The following CRB1 variants were observed in gnomAD, a reference collection of about 807,000 sequenced individuals.
CRB1 encodes the protein protein crumbs homolog 1.
Under a neutral mutation model 120.0 loss-of-function variants are expected in CRB1, and 83 were observed. That is an observed-to-expected ratio of 0.69 (90% confidence interval 0.58 to 0.83). The LOEUF is 0.83. Ranked by LOEUF, CRB1 falls within the 40% of genes least tolerant of loss-of-function variation. The pLI is 0.00. For missense variants in CRB1, 1,699 were observed against 1,687.6 expected (o/e 1.01, Z -0.12); for synonymous variants, 625 against 612.5 (o/e 1.02, Z -0.30).
At chr1:197,394,151 A>G (rs1261787727) in intron 5 of CRB1, among the ~76,000 whole-genome samples, 1 of 152,030 alleles carries the variant, frequency 6.6e-6, no homozygotes, top group African/African-American at 2.4e-5. Flanking sequence ...AGACAACAAG[A>G]CCAACCCTTC....
intron 1 of CRB1, among the ~76,000 whole-genome samples, chr1:197,302,513 A>C (rs1656927306): frequency 6.6e-6 from 1 of 152,188 alleles, no homozygotes. Context: ...ATAAAAAGTA[A>C]GCAATATAAA....
chr1:197,238,403 C>G, the CRB1 span, among the ~76,000 whole-genome samples: 2 of 152,076 alleles, frequency 1.3e-5, no homozygotes, highest in South Asian at 4.2e-4. Flanking sequence ...ATATTGTAGA[C>G]AATATTGCTT....
intron 1 of CRB1, among the ~76,000 whole-genome samples, chr1:197,311,069 T>C (rs944433532): frequency 1.3e-5 from 2 of 152,252 alleles, no homozygotes; most frequent in Admixed American, 6.5e-5. Context: ...GGTTTTATAC[T>C]GACACAATTT....
the CRB1 span, among the ~76,000 whole-genome samples, chr1:197,225,076 A>G: frequency 3.1e-4 from 47 of 152,192 alleles, no homozygotes; most frequent in South Asian, 2.1e-3. Flanking sequence ...TATCACAACA[A>G]CCTCAACAAA....
intron 2 of CRB1, among the ~76,000 whole-genome samples, chr1:197,337,632 T>C (rs1215589967): frequency 6.6e-6 from 1 of 152,208 alleles, no homozygotes; most frequent in Non-Finnish European, 1.5e-5. Flanking sequence ...CTATGGTATC[T>C]AAACAATGTT....
chr1:197,464,242 T>C (rs1371739490), intron 11 of CRB1, among the ~76,000 whole-genome samples: 1 of 152,146 alleles, frequency 6.6e-6, no homozygotes, highest in African/African-American at 2.4e-5. Flanking sequence ...CTGAAAATAC[T>C]GAGGCTGTGT....
At chr1:197,447,089 T>A (rs558838664) in intron 11 of CRB1, among the ~76,000 whole-genome samples, 4 of 152,360 alleles carry the variant, frequency 2.6e-5, no homozygotes, top group South Asian at 4.1e-4. Flanking sequence ...ACAGTTTCTG[T>A]GTTCAGGAGC....
At chr1:197,223,244 C>A in the CRB1 span, 30 of 1,058,792 alleles carry the variant, frequency 2.8e-5, no homozygotes, top group Non-Finnish European at 3.9e-5. Context: ...CCAGAAGATT[C>A]GAATAGATTG....
chr1:197,368,983 T>C (rs1661225100), intron 5 of CRB1, among the ~76,000 whole-genome samples: 1 of 152,076 alleles, frequency 6.6e-6, no homozygotes, highest in Non-Finnish European at 1.5e-5. Flanking sequence ...GAGTAATGTT[T>C]CCTGAGAATA....
At chr1:197,339,043 T>G (rs1659312900) in intron 2 of CRB1, among the ~76,000 whole-genome samples, 1 of 152,186 alleles carries the variant, frequency 6.6e-6, no homozygotes, top group South Asian at 2.1e-4. Flanking sequence ...AAAATCTGCT[T>G]TAAGTGAATG....
intron 5 of CRB1, among the ~76,000 whole-genome samples, chr1:197,405,489 G>A (rs919061609): frequency 1.4e-4 from 21 of 151,834 alleles, no homozygotes; most frequent in South Asian, 2.1e-4. Flanking sequence ...GCCTCTGCCC[G>A]GCCGCCACCC....
At chr1:197,475,451 A>G (rs1667158061) in intron 11 of CRB1, among the ~76,000 whole-genome samples, 1 of 152,086 alleles carries the variant, frequency 6.6e-6, no homozygotes, top group African/African-American at 2.4e-5. Flanking sequence ...TCCCTGTCAA[A>G]CATTCTTTCC....
At chr1:197,437,899 C>T (rs1231346137) in intron 9 of CRB1, 2 of 154,348 alleles carry the variant, frequency 1.3e-5, no homozygotes. Flanking sequence ...CAGTGAAGTT[C>T]CGCTTAGCTT....
At chr1:197,279,958 A>G (rs1010876517) in intron 1 of CRB1, among the ~76,000 whole-genome samples, 5 of 151,376 alleles carry the variant, frequency 3.3e-5, no homozygotes, top group African/African-American at 1.2e-4. Context: ...TACATAGTTT[A>G]TCTCATTTAA....
At chr1:197,374,647 T>C (rs1661550783) in intron 5 of CRB1, among the ~76,000 whole-genome samples, 1 of 152,180 alleles carries the variant, frequency 6.6e-6, no homozygotes, top group Non-Finnish European at 1.5e-5. Flanking sequence ...AAACAAGGTT[T>C]TACATTCAAT....
chr1:197,441,452 T>G (rs1443944430), intron 10 of CRB1: 1 of 152,160 alleles, frequency 6.6e-6, no homozygotes, highest in African/African-American at 2.4e-5. Flanking sequence ...TGATGTCACT[T>G]GTCTTGGAAA....
At chr1:197,470,069 T>A (rs1223656928) in intron 11 of CRB1, among the ~76,000 whole-genome samples, 1 of 152,166 alleles carries the variant, frequency 6.6e-6, no homozygotes, top group African/African-American at 2.4e-5. Flanking sequence ...AGGAAGAAGC[T>A]CTGTGTTGAT....
chr1:197,462,969 A>C (rs980614974), intron 11 of CRB1, among the ~76,000 whole-genome samples: 1 of 152,044 alleles, frequency 6.6e-6, no homozygotes, highest in Non-Finnish European at 1.5e-5. Context: ...CTAACAAGGA[A>C]GTTGTTGGCT....
At chr1:197,465,820 G>A (rs957632668) in intron 11 of CRB1, among the ~76,000 whole-genome samples, 29 of 152,280 alleles carry the variant, frequency 1.9e-4, no homozygotes, top group African/African-American at 6.5e-4. Context: ...GATTATTTAA[G>A]AGAAGGTGCA....
Sources: gnomAD v4.1 joint callset for allele counts (sites outside exome capture counted in the v4.1 genomes callset) on GRCh38, gnomAD v4.1.1 for gene constraint, MANE v1.5 for transcripts, NCBI Gene and HGNC (gene_info 2026-07-23, HGNC 2026-07-21) for gene names.